ARHGEF10: variants seen among roughly 807,000 people sequenced by gnomAD.
The protein encoded by ARHGEF10 is Rho guanine nucleotide exchange factor 10, also known as Rho guanine nucleotide exchange factor (GEF) 10.
Under a neutral mutation model 147.4 loss-of-function variants are expected in ARHGEF10, and 140 were observed. That is an observed-to-expected ratio of 0.95 (90% CI 0.83 to 1.09). The LOEUF is 1.09. Among genes scored for constraint, ARHGEF10 ranks in the 50% least tolerant of loss-of-function variants. The pLI is 0.00. For missense variants in ARHGEF10, 2,222 were observed against 1,752.7 expected, an observed-to-expected ratio of 1.27 and a Z score of -4.78; for synonymous variants, 902 against 695.8, an observed-to-expected ratio of 1.30 and a Z score of -4.67.
Position 1,925,348 on chromosome 8 carries a change from C to T in ARHGEF10, c.2554C>T (p.His852Tyr), listed in dbSNP as rs1554508853. 1 of 1,614,168 alleles carries T rather than the reference C, an allele frequency of 6.2e-7. No individual in the cohort carries two copies. Among genetic ancestry groups the T allele is most frequent in the Non-Finnish European group, 8.5e-7 (1 of 1,180,016 alleles). Residue 852 changes from histidine (H) to tyrosine (Y), a missense_variant, in exon 22 of 29, where the codon CAT (histidine) becomes TAT (tyrosine). Physicochemically the swap from His to Tyr is moderately conservative, Grantham distance 83. Coordinates refer to ENST00000349830, the MANE Select transcript of ARHGEF10 (RefSeq NM_014629.4). ...TGGGAATCACATTAAAAAGGAGAAGCATCCTCTCCTCGTCGGACACATGCC... is the reference window on the plus strand; with the variant it reads ...TGGGAATCACATTAAAAAGGAGAAGTATCCTCTCCTCGTCGGACACATGCC... ...DDGNHIKKEK[H>Y]PLLVGHMPVM...
intron 6 of ARHGEF10, 31 bp downstream of exon 6, chr8:1,866,633 C>A (rs746630899): frequency 6.3e-7 from 1 of 1,594,018 alleles, no homozygotes; most frequent in Non-Finnish European, 8.5e-7. Context: ...CAGCCAGAAT[C>A]CTCACCACGC....
At chr8:1,858,232 C>A (rs1204260400) in intron 3 of ARHGEF10, 117 bp downstream of exon 3, 1 of 918,578 alleles carries the variant, frequency 1.1e-6, no homozygotes, top group Admixed American at 3.0e-5. Flanking sequence ...AGGTGAGTCC[C>A]CAGGTGGGTC....
intron 2 of ARHGEF10, among the ~76,000 whole-genome samples, chr8:1,854,215 G>A (rs1349814100): frequency 3.3e-5 from 5 of 152,154 alleles, no homozygotes; most frequent in Admixed American, 6.5e-5. Flanking sequence ...TTGAACGCCC[G>A]GCCCCATGCT....
Position 1,928,736 on chromosome 8 carries a change from T to A in ARHGEF10, c.2921+86T>A, listed in dbSNP as rs111530603. ...GGGAGCCTGTCCTGGAAAGAGTCCT[T>A]GACTTTGACTCAGGAGTAGCCCGTG... On this transcript the variant is annotated intron_variant, in intron 24 of 28. Transcript: ENST00000349830. The A allele has an allele frequency of 1.2e-3, 1,790 of 1,460,978 alleles. 5 individuals are homozygous for A. In the Middle Eastern group the frequency reaches 0.015, roughly 12 times the overall value. 90.5% of individuals were successfully genotyped at this position (1,460,978 alleles called of 1,614,324 possible). A position where few individuals can be genotyped will look rare whatever the true frequency, so the allele number is the denominator to read the frequency against.
intron 17 of ARHGEF10, among the ~76,000 whole-genome samples, chr8:1,905,966 G>A (rs1334383533): frequency 6.6e-6 from 1 of 152,140 alleles, no homozygotes; most frequent in African/African-American, 2.4e-5. Flanking sequence ...GGCTGATGGC[G>A]GAACTAGAAA....
intron 18 of ARHGEF10, among the ~76,000 whole-genome samples, chr8:1,915,601 TGC>T (rs1219792284): frequency 3.9e-5 from 6 of 152,376 alleles, no homozygotes; most frequent in South Asian, 2.1e-4. Flanking sequence ...CGATGCCACA[TGC>T]GTGGCTCTGT....
intron 7 of ARHGEF10, among the ~76,000 whole-genome samples, chr8:1,871,363 C>A (rs1807108776): frequency 6.6e-6 from 1 of 150,748 alleles, no homozygotes; most frequent in African/African-American, 2.4e-5. Flanking sequence ...AAAAAAAAAT[C>A]AATACAAACA....
chr8:1,947,948 C>T (rs1381786722), intron 27 of ARHGEF10, among the ~76,000 whole-genome samples: 1 of 152,084 alleles, frequency 6.6e-6, no homozygotes, highest in Non-Finnish European at 1.5e-5. Context: ...CCTGCACCCA[C>T]CCAGAAACAG....
In ARHGEF10 at chr8:1,889,581, A is replaced by G. The variant is rs376420135; in HGVS notation, c.1182+3874A>G. Among the ~76,000 whole-genome samples the G allele has an allele frequency of 1.5e-4, 14 of 91,848 alleles. 4 individuals are homozygous for G. The East Asian group carries it at 1.9e-3, about 13-fold the overall frequency. 60.3% of individuals were successfully genotyped at this position (91,848 alleles called of 152,430 possible). ...CTGTGTGGAGACACTGAGTGGGGTGAGGGGTTTGTGAGGAGACACTGAGTG... is the reference window on the plus strand; with the variant it reads ...CTGTGTGGAGACACTGAGTGGGGTGGGGGGTTTGTGAGGAGACACTGAGTG... On this transcript the variant is annotated intron_variant, in intron 11 of 28. Transcript: ENST00000349830.
chr8:1,928,422 T>A lies in ARHGEF10; in HGVS notation c.2698-5T>A, dbSNP rs779899825. Reference sequence around the variant, plus strand: ...TTCTTCTTTCCTCCTAATTCTCTGATTCAGATCGGAAGTTGCACCCATCAA... The same window carrying A: ...TTCTTCTTTCCTCCTAATTCTCTGAATCAGATCGGAAGTTGCACCCATCAA... On this transcript the variant is annotated splice_polypyrimidine_tract_variant and splice_region_variant and intron_variant, in intron 23 of 28. Coordinates refer to ENST00000349830, the MANE Select transcript of ARHGEF10 (RefSeq NM_014629.4). 1.2e-6 allele frequency: 2 copies of A among 1,613,294 alleles called. No homozygotes were observed. The highest frequency in any genetic ancestry group is 1.7e-6 in the Non-Finnish European group (2 of 1,179,272).
At chr8:1,935,552 G>A (rs1813521701) in intron 26 of ARHGEF10, among the ~76,000 whole-genome samples, 1 of 152,188 alleles carries the variant, frequency 6.6e-6, no homozygotes, top group Admixed American at 6.5e-5. Flanking sequence ...GGAACGTGGG[G>A]ACACAGGGCT....
intron 26 of ARHGEF10, among the ~76,000 whole-genome samples, chr8:1,945,100 G>GC (rs1406632354): frequency 1.3e-5 from 2 of 152,232 alleles, no homozygotes; most frequent in African/African-American, 4.8e-5. Flanking sequence ...AGGCAGTGGG[G>GC]CCCCATGCCA....
At chr8:1,934,010 G>T in intron 26 of ARHGEF10, 68 bp downstream of exon 26, 2 of 1,601,650 alleles carry the variant, frequency 1.2e-6, no homozygotes, top group South Asian at 1.1e-5. Context: ...CTGACTTCTG[G>T]TGCCGAAGTC....
intron 9 of ARHGEF10, among the ~76,000 whole-genome samples, chr8:1,880,596 G>C (rs1808105835): frequency 6.6e-6 from 1 of 152,314 alleles, no homozygotes; most frequent in African/African-American, 2.4e-5. Context: ...TTCAAATGCA[G>C]TAAATATTGA....
intron 14 of ARHGEF10, among the ~76,000 whole-genome samples, 162 bp downstream of exon 14, chr8:1,896,611 A>C (rs1809995769): frequency 6.6e-6 from 1 of 152,206 alleles, no homozygotes. Context: ...TTAGGTCCTA[A>C]TGTAGCTTTT....
intron 6 of ARHGEF10, 26 bp from the exon 7 acceptor site, chr8:1,869,168 A>G (rs1806873035): frequency 3.7e-6 from 6 of 1,603,316 alleles, no homozygotes; most frequent in Non-Finnish European, 5.1e-6. Context: ...GTCACTGTTT[A>G]AAGTGTTTCT....
chr8:1,944,556 G>T (rs930584176), intron 26 of ARHGEF10, among the ~76,000 whole-genome samples: 1 of 152,242 alleles, frequency 6.6e-6, no homozygotes, highest in Non-Finnish European at 1.5e-5. Flanking sequence ...GGGGGCTGTC[G>T]TCTTTTCCCT....
At chr8:1,903,636 C>G (rs1441307894) in intron 16 of ARHGEF10, 185 bp downstream of exon 16, 1 of 687,776 alleles carries the variant, frequency 1.5e-6, no homozygotes, top group Non-Finnish European at 2.5e-6. Flanking sequence ...TATGTAAAAC[C>G]TTAACAGCCT....
At chr8:1,827,719 G>C (rs888949846) in intron 1 of ARHGEF10, among the ~76,000 whole-genome samples, 8 of 152,186 alleles carry the variant, frequency 5.3e-5, no homozygotes, top group African/African-American at 1.7e-4. Flanking sequence ...GTGCTATATG[G>C]GGGTTGTTGG....
Sources: allele counts gnomAD v4.1 joint callset (sites outside exome capture counted in the v4.1 genomes callset), GRCh38; gene constraint gnomAD v4.1.1; transcripts MANE v1.5; gene names NCBI Gene and HGNC (gene_info 2026-07-23, HGNC 2026-07-21).